ST8SIA6: variants seen among roughly 807,000 people sequenced by gnomAD.
The protein encoded by ST8SIA6 is ST8 alpha-N-acetyl-neuraminide alpha-2,8-sialyltransferase 6.
A neutral mutation model predicts 33.6 loss-of-function variants in ST8SIA6; 39 were observed. The ratio of observed to expected loss-of-function variants is 1.16; its 90% confidence interval spans 0.90 to 1.52. The LOEUF is 1.52. Ranked by LOEUF, ST8SIA6 falls within the 40% of genes most tolerant of loss-of-function variation. The pLI is 0.00. For synonymous variants in ST8SIA6, 172 were observed against 167.2 expected, an observed-to-expected ratio of 1.03 and a Z score of -0.22; for missense variants, 441 against 443.8, an observed-to-expected ratio of 0.99 and a Z score of 0.06.
At position 17,436,283 on chromosome 10, in the gene ST8SIA6, G is replaced by C. The variant is rs372969856; in HGVS notation, c.200+17276C>G. Among the ~76,000 whole-genome samples the C allele has an allele frequency of 9.2e-5, 14 of 152,232 alleles. No homozygotes were observed. The East Asian group carries it at 2.5e-3, about 27-fold the overall frequency. ...CCCACATGTTGTGGGAGGGTCCCTGGGGGGGAGGTAATTGAATCATGGGAG... is the reference window on the plus strand; with the variant it reads ...CCCACATGTTGTGGGAGGGTCCCTGCGGGGGAGGTAATTGAATCATGGGAG... On this transcript the variant is annotated intron_variant, in intron 2 of 7. Transcript: ENST00000377602.
chr10:17,315,608 G>C lies in ST8SIA6; in HGVS notation c.*5270C>G, dbSNP rs542011320. Among the ~76,000 whole-genome samples, 7 of 152,060 alleles carry C rather than the reference G, an allele frequency of 4.6e-5. No homozygotes were observed. The highest frequency in any genetic ancestry group is 3.9e-4 in the East Asian group (2 of 5,184). Reference sequence around the variant, plus strand: ...TTTAATATTATTATGTCGAGCAAAAGTGCAAGACAAGAAATGAGTACAGAC... The same window carrying C: ...TTTAATATTATTATGTCGAGCAAAACTGCAAGACAAGAAATGAGTACAGAC... On this transcript the variant is annotated 3_prime_UTR_variant, in exon 8 of 8. Coordinates refer to ENST00000377602, the MANE Select transcript of ST8SIA6 (RefSeq NM_001004470.3).
chr10:17,389,857 C>T (rs1399660423), intron 3 of ST8SIA6, among the ~76,000 whole-genome samples: 1 of 152,144 alleles, frequency 6.6e-6, no homozygotes, highest in East Asian at 1.9e-4. Flanking sequence ...GGATTTCGGT[C>T]TGTCACCCAG....
At chr10:17,379,465 G>A (rs1354005439) in intron 3 of ST8SIA6, among the ~76,000 whole-genome samples, 1 of 152,116 alleles carries the variant, frequency 6.6e-6, no homozygotes, top group African/African-American at 2.4e-5. Flanking sequence ...AAATCACTAA[G>A]GAAAACTCAA....
intron 2 of ST8SIA6, among the ~76,000 whole-genome samples, chr10:17,440,793 A>G (rs1852458272): frequency 6.6e-6 from 1 of 152,102 alleles, no homozygotes. Flanking sequence ...TTGCTACAAA[A>G]GTCATTATAA....
chr10:17,431,874 A>G, intron 2 of ST8SIA6, among the ~76,000 whole-genome samples: 1 of 152,194 alleles, frequency 6.6e-6, no homozygotes, highest in East Asian at 1.9e-4. Context: ...AGGAGGAGAT[A>G]GATAAGAACA....
intron 3 of ST8SIA6, among the ~76,000 whole-genome samples, chr10:17,367,623 CTG>C (rs1479082874): frequency 6.6e-6 from 1 of 152,104 alleles, no homozygotes; most frequent in African/African-American, 2.4e-5. Context: ...CATACAATCA[CTG>C]TTAGATTTCT....
chr10:17,414,623 TC>T (rs1265866124), intron 2 of ST8SIA6, among the ~76,000 whole-genome samples: 1 of 152,198 alleles, frequency 6.6e-6, no homozygotes, highest in African/African-American at 2.4e-5. Flanking sequence ...AGGGCTCTCT[TC>T]CTGGCTTGCA....
chr10:17,384,303 C>G (rs80090391), intron 3 of ST8SIA6, among the ~76,000 whole-genome samples: 1 of 152,180 alleles, frequency 6.6e-6, no homozygotes, highest in Non-Finnish European at 1.5e-5. Flanking sequence ...TGGCACAAAT[C>G]CATGACTGGG....
intron 3 of ST8SIA6, among the ~76,000 whole-genome samples, chr10:17,376,996 T>A (rs1384235522): frequency 1.2e-4 from 18 of 152,202 alleles, no homozygotes; most frequent in Admixed American, 1.2e-3. Context: ...AGCCATCATA[T>A]CCCCTGTGAC....
chr10:17,358,595 A>G (rs949267216), intron 4 of ST8SIA6, among the ~76,000 whole-genome samples: 2 of 148,778 alleles, frequency 1.3e-5, no homozygotes, highest in Non-Finnish European at 1.5e-5. Flanking sequence ...GAAGAGGAAG[A>G]AGGAGGAGAA....
At chr10:17,346,930 A>G (rs1249136022) in intron 4 of ST8SIA6, among the ~76,000 whole-genome samples, 1 of 152,216 alleles carries the variant, frequency 6.6e-6, no homozygotes, top group Non-Finnish European at 1.5e-5. Context: ...TGCAAGGGCT[A>G]GCACATCTAA....
chr10:17,359,672 T>C, intron 3 of ST8SIA6, 72 bp from the exon 4 acceptor site: 6 of 868,124 alleles, frequency 6.9e-6, no homozygotes, highest in South Asian at 1.9e-5. Context: ...GATACTGTTA[T>C]AATCTACTCC....
intron 3 of ST8SIA6, among the ~76,000 whole-genome samples, chr10:17,363,853 T>C (rs1426316071): frequency 6.6e-6 from 1 of 152,142 alleles, no homozygotes; most frequent in Non-Finnish European, 1.5e-5. Flanking sequence ...GCTGTGAGCC[T>C]GTTGGGCTGG....
Position 17,320,046 on chromosome 10 carries a change from G to A in ST8SIA6, c.*832C>T, listed in dbSNP as rs1847895005. On this transcript the variant is annotated 3_prime_UTR_variant, in exon 8 of 8. Transcript: ENST00000377602. Reference sequence around the variant, plus strand: ...CAATAATCCTTCTTGTCCTCTCACAGAGCCTGGTGCAGGGCCTGGCATGAA... The same window carrying A: ...CAATAATCCTTCTTGTCCTCTCACAAAGCCTGGTGCAGGGCCTGGCATGAA... 6.6e-6 allele frequency: 1 copy of A among 152,118 alleles called. No individual in the cohort carries two copies. Among genetic ancestry groups the A allele is most frequent in the Admixed American group, 6.6e-5 (1 of 15,258 alleles). 9.4% of individuals were successfully genotyped at this position (152,118 alleles called of 1,614,324 possible).
intron 5 of ST8SIA6, among the ~76,000 whole-genome samples, chr10:17,327,557 G>C: frequency 6.6e-6 from 1 of 152,040 alleles, no homozygotes; most frequent in East Asian, 1.9e-4. Flanking sequence ...CTGCACTCCA[G>C]CCTGGGCAAC....
intron 2 of ST8SIA6, among the ~76,000 whole-genome samples, chr10:17,399,843 G>T (rs1030399484): frequency 1.3e-5 from 2 of 151,564 alleles, no homozygotes; most frequent in Non-Finnish European, 2.9e-5. Flanking sequence ...GCTTGAGTCT[G>T]GGAGGTGGAG....
chr10:17,442,477 A>C (rs2131738716), intron 2 of ST8SIA6, among the ~76,000 whole-genome samples: 1 of 152,322 alleles, frequency 6.6e-6, no homozygotes, highest in South Asian at 2.1e-4. Flanking sequence ...TTGGAGATGC[A>C]TTTTTTAAAA....
At chr10:17,355,501 G>A (rs905589690) in intron 4 of ST8SIA6, among the ~76,000 whole-genome samples, 6 of 152,080 alleles carry the variant, frequency 3.9e-5, no homozygotes, top group African/African-American at 1.4e-4. Context: ...GTCCCCAAAG[G>A]GCTCATAGTC....
At chr10:17,347,972 A>G (rs924557592) in intron 4 of ST8SIA6, among the ~76,000 whole-genome samples, 1 of 151,392 alleles carries the variant, frequency 6.6e-6, no homozygotes, top group African/African-American at 2.4e-5. Flanking sequence ...AAAAAAAAAA[A>G]AAATTAAAGC....
Sources: allele counts gnomAD v4.1 joint callset (sites outside exome capture counted in the v4.1 genomes callset), GRCh38; gene constraint gnomAD v4.1.1; transcripts MANE v1.5; gene names NCBI Gene and HGNC (gene_info 2026-07-23, HGNC 2026-07-21).